Variants in ARL15 observed in about 807,000 individuals in gnomAD.
The protein encoded by ARL15 is ARF like GTPase 15.
ARL15 carries 19 observed loss-of-function variants against 25.2 expected under a neutral mutation model. The ratio of observed to expected loss-of-function variants is 0.75; its 90% CI spans 0.53 to 1.10. ARL15 has a LOEUF of 1.10. ARL15 is among the 50% of genes least tolerant of loss of function. ARL15 has a pLI of 0.00. For synonymous variants in ARL15, 94 were observed against 86.8 expected (o/e 1.08, Z -0.46); for missense variants, 220 against 246.0 (o/e 0.89, Z 0.71).
intron 4 of ARL15, among the ~76,000 whole-genome samples, chr5:54,059,339 C>T (rs78852196): frequency 0.019 from 2,850 of 152,248 alleles, 88 homozygotes; most frequent in African/African-American, 0.066. Flanking sequence ...TGAAGTGAGA[C>T]GACCTTGAGA....
At chr5:54,300,337 T>C (rs754763736) in intron 1 of ARL15, among the ~76,000 whole-genome samples, 4 of 152,172 alleles carry the variant, frequency 2.6e-5, no homozygotes, top group African/African-American at 9.7e-5. Flanking sequence ...GGCCATCACA[T>C]AGAAAGACCA....
At chr5:54,025,630 C>T (rs1015115944) in intron 4 of ARL15, among the ~76,000 whole-genome samples, 2 of 151,278 alleles carry the variant, frequency 1.3e-5, no homozygotes, top group Admixed American at 1.3e-4. Context: ...TGGGAAAGAT[C>T]CTATGCTACT....
intron 3 of ARL15, among the ~76,000 whole-genome samples, chr5:54,140,416 AC>A (rs1367963992): frequency 7.6e-6 from 1 of 131,334 alleles, no homozygotes; most frequent in Non-Finnish European, 1.7e-5. Context: ...GTGTGGATAG[AC>A]AGATAGATAG....
intron 4 of ARL15, among the ~76,000 whole-genome samples, chr5:54,056,532 A>AG (rs202151199): frequency 0.021 from 3,244 of 151,488 alleles, 92 homozygotes; most frequent in African/African-American, 0.058. Flanking sequence ...CGGGAGGCTG[A>AG]GGCAGGAGAA....
intron 1 of ARL15, among the ~76,000 whole-genome samples, chr5:54,268,893 A>G (rs1474096645): frequency 1.3e-5 from 2 of 152,212 alleles, no homozygotes; most frequent in Admixed American, 6.5e-5. Flanking sequence ...ACGCAGCCAT[A>G]AAAAATGATG....
chr5:53,921,932 TAATTCAGTTCTAG>T (rs1745871701), intron 4 of ARL15, among the ~76,000 whole-genome samples: 1 of 152,238 alleles, frequency 6.6e-6, no homozygotes, highest in South Asian at 2.1e-4. Context: ...AAAAAATGTC[TAATTCAGTTCTAG>T]AATTCAGTTT....
At chr5:54,039,067 G>A (rs746998871) in intron 4 of ARL15, among the ~76,000 whole-genome samples, 22 of 152,164 alleles carry the variant, frequency 1.4e-4, no homozygotes, top group East Asian at 3.9e-4. Context: ...AGGTCTCTGC[G>A]ATTCCAGCAA....
intron 3 of ARL15, among the ~76,000 whole-genome samples, chr5:54,119,376 C>G (rs574478335): frequency 8.1e-4 from 123 of 152,174 alleles, no homozygotes; most frequent in African/African-American, 2.7e-3. Context: ...AAGACCCTTG[C>G]CAGATGAGAC....
intron 1 of ARL15, among the ~76,000 whole-genome samples, chr5:54,289,406 C>G (rs183103331): frequency 6.6e-6 from 1 of 151,710 alleles, no homozygotes; most frequent in East Asian, 1.9e-4. Flanking sequence ...GGTGGATTTC[C>G]GGTACTGCTA....
intron 4 of ARL15, among the ~76,000 whole-genome samples, chr5:54,006,695 T>C (rs1749057361): frequency 6.6e-6 from 1 of 152,236 alleles, no homozygotes; most frequent in African/African-American, 2.4e-5. Flanking sequence ...GCTGTCATTG[T>C]TATCCATGAG....
intron 1 of ARL15, among the ~76,000 whole-genome samples, chr5:54,258,150 G>A (rs902021952): frequency 2.1e-5 from 3 of 145,450 alleles, no homozygotes; most frequent in African/African-American, 8.0e-5. Flanking sequence ...GGGCAACATA[G>A]TTAAGACTTT....
At chr5:54,245,952 C>T (rs1178479870) in intron 1 of ARL15, among the ~76,000 whole-genome samples, 1 of 152,106 alleles carries the variant, frequency 6.6e-6, no homozygotes, top group East Asian at 1.9e-4. Flanking sequence ...AATATTGTAT[C>T]CAATTCACAG....
intron 4 of ARL15, among the ~76,000 whole-genome samples, chr5:53,901,174 C>T (rs1319152106): frequency 1.3e-5 from 2 of 152,144 alleles, no homozygotes; most frequent in Non-Finnish European, 2.9e-5. Flanking sequence ...TCCTTTCCTT[C>T]CTTTCTGTCA....
intron 1 of ARL15, among the ~76,000 whole-genome samples, chr5:54,181,284 A>G (rs901208856): frequency 6.6e-6 from 1 of 152,222 alleles, no homozygotes; most frequent in Non-Finnish European, 1.5e-5. Context: ...CAATTTTTAT[A>G]AAAACAGAAT....
chr5:54,176,760 G>T (rs1435705986), intron 1 of ARL15, among the ~76,000 whole-genome samples: 1 of 152,166 alleles, frequency 6.6e-6, no homozygotes, highest in East Asian at 1.9e-4. Flanking sequence ...TTCTTCAGGA[G>T]GATGTTATGA....
At chr5:53,893,464 A>C (rs551759106) in intron 4 of ARL15, among the ~76,000 whole-genome samples, 27 of 152,118 alleles carry the variant, frequency 1.8e-4, no homozygotes, top group East Asian at 1.2e-3. Context: ...AAAAATTAGC[A>C]GGGCGTGGTG....
At chr5:54,023,873 C>G (rs545227151) in intron 4 of ARL15, among the ~76,000 whole-genome samples, 1 of 152,284 alleles carries the variant, frequency 6.6e-6, no homozygotes, top group South Asian at 2.1e-4. Flanking sequence ...CACGAACCAT[C>G]GTGTCTGCTC....
At chr5:54,153,790 T>C (rs1754139710) in intron 3 of ARL15, among the ~76,000 whole-genome samples, 1 of 152,016 alleles carries the variant, frequency 6.6e-6, no homozygotes, top group South Asian at 2.1e-4. Flanking sequence ...GAGCTAAAAA[T>C]AGGTCACAGT....
chr5:54,019,835 T>A (rs1749538700), intron 4 of ARL15, among the ~76,000 whole-genome samples: 1 of 152,192 alleles, frequency 6.6e-6, no homozygotes, highest in African/African-American at 2.4e-5. Flanking sequence ...TCTATTTCCA[T>A]TTTTTAAAAA....
Sources: allele counts gnomAD v4.1 joint callset (sites outside exome capture counted in the v4.1 genomes callset), GRCh38; gene constraint gnomAD v4.1.1; transcripts MANE v1.5; gene names NCBI Gene and HGNC (gene_info 2026-07-23, HGNC 2026-07-21).